SNED1: variants seen among roughly 807,000 people sequenced by gnomAD.
SNED1 encodes sushi, nidogen and EGF like domains 1.
Under a neutral mutation model 166.7 loss-of-function variants are expected in SNED1, and 81 were observed. The observed-to-expected ratio is 0.49, with a 90% CI of 0.41 to 0.58. The LOEUF (loss-of-function observed/expected upper bound fraction) is 0.58. Ranked by LOEUF, SNED1 falls within the 20% of genes least tolerant of loss-of-function variation. The probability of loss-of-function intolerance (pLI) is 0.00; values close to 1 mark genes in which losing one functional copy is unlikely to be tolerated. For missense variants in SNED1, 1,604 were observed against 2,000.2 expected, an observed-to-expected ratio of 0.80 and a Z score of 3.78; for synonymous variants, 762 against 822.0, an observed-to-expected ratio of 0.93 and a Z score of 1.25.
At position 241,006,749 on chromosome 2, in the gene SNED1, A is replaced by C. The variant is rs376209005; in HGVS notation, c.213+7699A>C. ...GAGAAATGGAAGCAATAATACCTCA[A>C]TAGCAGAGGGCACTTCCATGCTCAG... is the stretch of plus-strand genomic sequence containing the variant. On this transcript the variant is annotated intron_variant, in intron 1 of 31. Transcript: ENST00000310397. Among the ~76,000 whole-genome samples the C allele has an allele frequency of 1.1e-4, 16 of 152,342 alleles. No homozygotes were observed. In the South Asian group the frequency reaches 2.7e-3, roughly 26 times the overall value.
At chr2:241,050,028 G>A (rs1333111037) in intron 12 of SNED1, 95 bp downstream of exon 12, 5 of 917,212 alleles carry the variant, frequency 5.5e-6, no homozygotes, top group Non-Finnish European at 8.9e-6. Flanking sequence ...TCCTTGTTTC[G>A]CGAATTGCTG....
chr2:241,081,801 G>A lies in SNED1; in HGVS notation c.4033+8G>A, dbSNP rs2302045. ...GCAGACGCTGCGAGCTCGGTAAGTC[G>A]GGGCTTGGCCTCAGGGCGCCCCTTC... On this transcript the variant is annotated splice_region_variant and intron_variant, in intron 28 of 31. Transcript: ENST00000310397. The A allele has an allele frequency of 0.07, 109,787 of 1,565,418 alleles. 4,629 individuals carry two copies. The highest frequency in any genetic ancestry group is 0.18 in the African/African-American group (13,214 of 73,830).
intron 2 of SNED1, among the ~76,000 whole-genome samples, chr2:241,032,989 A>G (rs1361173309): frequency 6.6e-6 from 1 of 152,164 alleles, no homozygotes; most frequent in East Asian, 1.9e-4. Context: ...AGTATTCGGA[A>G]GCCCTTTGCA....
intron 29 of SNED1, among the ~76,000 whole-genome samples, chr2:241,086,930 G>A (rs1471409225): frequency 6.6e-6 from 1 of 152,240 alleles, no homozygotes; most frequent in East Asian, 1.9e-4. Context: ...ATAAATGGAA[G>A]AGGCAGGAGA....
At chr2:241,011,713 G>T (rs2060410896) in intron 1 of SNED1, among the ~76,000 whole-genome samples, 1 of 152,222 alleles carries the variant, frequency 6.6e-6, no homozygotes, top group African/African-American at 2.4e-5. Context: ...CCAGTGCTGG[G>T]GAGAGAGGGG....
Position 241,069,033 on chromosome 2 carries a change from G to A in SNED1, c.3307+10G>A, listed in dbSNP as rs751578055. ...ACGCACGTGTGGACCCGTGAGTAGAGCAGCGCGGCCCCCGGCACACGAAAG... is the reference window on the plus strand; with the variant it reads ...ACGCACGTGTGGACCCGTGAGTAGAACAGCGCGGCCCCCGGCACACGAAAG... On this transcript the variant is annotated intron_variant, in intron 23 of 31. Coordinates refer to ENST00000310397, the MANE Select transcript of SNED1 (RefSeq NM_001080437.3). The surrounding 1 kb of genome is among the most constrained non-coding windows in gnomAD (Gnocchi z 4.9). The A allele has an allele frequency of 2.6e-6, 4 of 1,537,338 alleles. No individual in the cohort carries two copies. The highest frequency in any genetic ancestry group is 2.7e-5 in the African/African-American group (2 of 72,814).
At chr2:241,071,398 G>C in intron 24 of SNED1, 178 bp from the exon 25 acceptor site, 1 of 676,734 alleles carries the variant, frequency 1.5e-6, no homozygotes, top group Middle Eastern at 4.1e-4. Context: ...TGGGCTGGAA[G>C]GGAACCCAGG....
In SNED1 at chr2:241,069,670, G is replaced by A. The variant is rs2062613970; in HGVS notation, c.3308-250G>A. ...GGAGGGCGCCAGCTGACGGGCCAGG[G>A]CCTGGGGGCTTCACAGGGTGGATCC... On this transcript the variant is annotated intron_variant, in intron 23 of 31. Transcript: ENST00000310397. The surrounding 1 kb of genome is among the most constrained non-coding windows in gnomAD (Gnocchi z 4.9). Among the ~76,000 whole-genome samples, 2 of 151,792 alleles carry A rather than the reference G, an allele frequency of 1.3e-5. No individual in the cohort carries two copies.
intron 1 of SNED1, among the ~76,000 whole-genome samples, chr2:241,026,433 C>G (rs2060972737): frequency 6.6e-6 from 1 of 152,158 alleles, no homozygotes; most frequent in South Asian, 2.1e-4. Flanking sequence ...TTCTGGTGCT[C>G]CAAGTTGTGC....
Position 241,082,350 on chromosome 2 carries a change from C to T in SNED1, c.4107C>T (p.Gly1369=), listed in dbSNP as rs762160226. ...AGGCCTTTCCAGTCTGGGAGGGAGG[C>T]GTCTGTCACCACGTGTAAGTTGGTT... is the stretch of plus-strand genomic sequence containing the variant. ...ETKAFPVWEG[G]VCHHVYKRVY... is the part of the protein sequence containing the mutation. Residue 1369 remains glycine (G), a synonymous_variant, in exon 29 of 32, where the codon GGC becomes GGT. Transcript: ENST00000310397. 13 of 1,613,032 alleles carry T rather than the reference C, an allele frequency of 8.1e-6. No individual in the cohort carries two copies. The highest frequency in any genetic ancestry group is 8.0e-5 in the African/African-American group (6 of 74,906).
rs200497916 is a variant in SNED1 at position 241,088,422 on chromosome 2, G to A, written c.*1+20G>A. On this transcript the variant is annotated intron_variant, in intron 31 of 31. Transcript: ENST00000310397. The stretch of plus-strand genomic sequence containing the variant: ...CTTAAGGTACGTCCCTGCTGCTCCC[G>A]CCCCACTACCACAGAGCTGCTGGGA... 6.9e-6 allele frequency: 11 copies of A among 1,601,526 alleles called. No homozygotes were observed. The highest frequency in any genetic ancestry group is 1.3e-5 in the African/African-American group (1 of 74,752).
chr2:241,081,615 G>T, intron 27 of SNED1, 62 bp from the exon 28 acceptor site: 1 of 1,236,068 alleles, frequency 8.1e-7, no homozygotes, highest in Non-Finnish European at 1.2e-6. Context: ...ACAGCAACAT[G>T]TCCATGAGGC....
intron 1 of SNED1, among the ~76,000 whole-genome samples, chr2:241,026,833 A>T (rs1207509233): frequency 6.6e-6 from 1 of 152,198 alleles, no homozygotes; most frequent in Non-Finnish European, 1.5e-5. Context: ...AATCATTACC[A>T]CCATCCACCC....
chr2:241,052,654 C>T lies in SNED1; in HGVS notation c.2083+186C>T, dbSNP rs28408687. Among the ~76,000 whole-genome samples the T allele has an allele frequency of 1.1e-3, 93 of 86,228 alleles. 6 individuals carry two copies. The highest frequency in any genetic ancestry group is 6.8e-3 in the South Asian group (16 of 2,348). The allele number at this position is 86,228 out of a possible 152,430, so 56.6% of individuals were successfully genotyped here. ...GAGGGCCGGGGGGCCAAGCAGGGTA[C>T]ATGGGACACCGGTGCCAGGCAGGTG... On this transcript the variant is annotated intron_variant, in intron 15 of 31. Coordinates refer to ENST00000310397, the MANE Select transcript of SNED1 (RefSeq NM_001080437.3).
rs139660519 is a variant in SNED1 at position 241,028,013 on chromosome 2, G to A, written c.214-2271G>A. 8.5e-4 allele frequency among the ~76,000 whole-genome samples: 130 copies of A among 152,232 alleles called. 1 individual carries two copies. The highest frequency in any genetic ancestry group is 2.9e-3 in the African/African-American group (119 of 41,548). ...CTCCCAGAGTGATGGGATTACAGGCGTGAGCCACCGCGCCGGGCCAGGTTT... is the reference window on the plus strand; with the variant it reads ...CTCCCAGAGTGATGGGATTACAGGCATGAGCCACCGCGCCGGGCCAGGTTT... On this transcript the variant is annotated intron_variant, in intron 1 of 31. Coordinates refer to ENST00000310397, the MANE Select transcript of SNED1 (RefSeq NM_001080437.3).
chr2:241,065,838 G>T (rs186302435), intron 21 of SNED1, among the ~76,000 whole-genome samples: 7 of 152,248 alleles, frequency 4.6e-5, no homozygotes, highest in Admixed American at 4.6e-4. Context: ...CCAAGAGTGG[G>T]AGCAGCACAA....
chr2:241,066,666 G>A (rs2062463044), intron 21 of SNED1, among the ~76,000 whole-genome samples: 1 of 152,172 alleles, frequency 6.6e-6, no homozygotes, highest in Non-Finnish European at 1.5e-5. Flanking sequence ...CTTCAGGGAG[G>A]CCTAAGCATC....
At chr2:241,008,906 C>T (rs763596517) in intron 1 of SNED1, among the ~76,000 whole-genome samples, 4 of 152,222 alleles carry the variant, frequency 2.6e-5, no homozygotes, top group Non-Finnish European at 5.9e-5. Context: ...AGGAGCTTGT[C>T]AAGGGTCAGG....
In SNED1 at chr2:241,082,172, C is replaced by A. The variant is rs1026517676; in HGVS notation, c.4034-105C>A. On this transcript the variant is annotated intron_variant, in intron 28 of 31. Coordinates refer to ENST00000310397, the MANE Select transcript of SNED1 (RefSeq NM_001080437.3). ...TCCCACCATCCCGCCTTGGAGGAAG[C>A]CAGCCTAAGGACCCCCGGGCCCTCT... 28 of 870,132 alleles carry A rather than the reference C, an allele frequency of 3.2e-5. No homozygotes were observed. In the African/African-American group the frequency reaches 4.1e-4, roughly 13 times the overall value. The allele number at this position is 870,132 out of a possible 1,614,324, so 53.9% of individuals were successfully genotyped here. A position where few individuals can be genotyped will look rare whatever the true frequency, so the allele number is the denominator to read the frequency against.
Sources: allele counts gnomAD v4.1 joint callset (sites outside exome capture counted in the v4.1 genomes callset), GRCh38; gene constraint gnomAD v4.1.1; non-coding constraint Gnocchi (gnomAD v3.1); transcripts MANE v1.5; gene names NCBI Gene and HGNC (gene_info 2026-07-23, HGNC 2026-07-21).